The following HNMT variants were observed in gnomAD, a reference collection of about 807,000 sequenced individuals.
HNMT encodes the protein histamine N-methyltransferase.
A neutral mutation model predicts 32.1 loss-of-function variants in HNMT; 30 were observed. The ratio of observed to expected loss-of-function variants is 0.93; its 90% CI spans 0.70 to 1.27. The LOEUF is 1.27. Among genes scored for constraint, HNMT ranks in the 50% most tolerant of loss-of-function variants. HNMT has a pLI of 0.00. For missense variants in HNMT, 327 were observed against 346.0 expected (o/e 0.95, Z 0.43); for synonymous variants, 125 against 119.0 (o/e 1.05, Z -0.33).
intron 2 of HNMT, among the ~76,000 whole-genome samples, chr2:137,972,662 T>A (rs930788603): frequency 6.6e-6 from 1 of 152,178 alleles, no homozygotes; most frequent in African/African-American, 2.4e-5. Context: ...CTAAAGAATG[T>A]CTTATTAATT....
At position 138,005,237 on chromosome 2, in the gene HNMT, T is replaced by C; in HGVS notation, c.523+12T>C. The C allele has an allele frequency of 7.1e-7, 1 of 1,416,124 alleles. No homozygotes were observed. Among genetic ancestry groups the C allele is most frequent in the Non-Finnish European group, 1.0e-6 (1 of 1,001,080 alleles). 87.7% of individuals were successfully genotyped at this position (1,416,124 alleles called of 1,614,324 possible). On this transcript the variant is annotated intron_variant, in intron 5 of 5. Transcript: ENST00000280097. The stretch of plus-strand genomic sequence containing the variant: ...TATTGTTGTGTCAGGTAAGTTATTT[T>C]CATTCAGCCTGAATTTTAAAACAGC...
At chr2:137,979,117 G>T (rs998030521) in intron 2 of HNMT, among the ~76,000 whole-genome samples, 11 of 145,416 alleles carry the variant, frequency 7.6e-5, no homozygotes, top group African/African-American at 2.5e-4. Flanking sequence ...GTTATATATA[G>T]TACATAATAT....
At chr2:137,991,824 C>T (rs1680825380) in intron 2 of HNMT, 1 of 152,100 alleles carries the variant, frequency 6.6e-6, no homozygotes, top group African/African-American at 2.4e-5. Flanking sequence ...AGGGCGGGGC[C>T]AAGATGGCCG....
At chr2:137,977,677 T>C (rs1222737621) in intron 2 of HNMT, among the ~76,000 whole-genome samples, 1 of 152,086 alleles carries the variant, frequency 6.6e-6, no homozygotes, top group African/African-American at 2.4e-5. Flanking sequence ...CATATAATAC[T>C]GATGAGGTTA....
intron 5 of HNMT, among the ~76,000 whole-genome samples, chr2:138,006,842 A>G (rs1009801461): frequency 1.3e-5 from 2 of 151,616 alleles, no homozygotes; most frequent in Admixed American, 6.6e-5. Context: ...TGTGGCTCAT[A>G]AGTACCATCT....
intron 4 of HNMT, among the ~76,000 whole-genome samples, chr2:138,004,497 T>G: frequency 6.6e-6 from 1 of 152,050 alleles, no homozygotes; most frequent in Non-Finnish European, 1.5e-5. Context: ...TAAGTCCAAG[T>G]TCTGTGTTGG....
chr2:138,009,349 G>A (rs1681425197), intron 5 of HNMT, among the ~76,000 whole-genome samples: 1 of 151,974 alleles, frequency 6.6e-6, no homozygotes, highest in South Asian at 2.1e-4. Flanking sequence ...CAATTTCTTA[G>A]AGAGCTAAAA....
intron 5 of HNMT, among the ~76,000 whole-genome samples, chr2:138,005,646 G>T (rs937161583): frequency 1.3e-5 from 2 of 151,706 alleles, no homozygotes; most frequent in African/African-American, 2.4e-5. Context: ...ATTTTTAATT[G>T]ACTTGCATTC....
rs371086103 is a variant in HNMT at position 138,013,868 on chromosome 2, A to T, written c.617A>T (p.Gln206Leu). ...TATATCACATCAGATGACCTCACTC[A>T]GATGCTGGACAACCTAGGGCTTAAG... is the stretch of plus-strand genomic sequence containing the variant. The part of the protein sequence containing the change: ...CQYITSDDLT[Q>L]MLDNLGLKYE... Residue 206 changes from glutamine (Q) to leucine (L), a missense_variant, in exon 6 of 6, where the codon CAG (glutamine) becomes CTG (leucine). Transcript: ENST00000280097. The T allele has an allele frequency of 6.2e-7, 1 of 1,613,746 alleles. No individual in the cohort carries two copies. Among genetic ancestry groups the T allele is most frequent in the East Asian group, 2.2e-5 (1 of 44,862 alleles).
At chr2:137,986,163 A>G (rs1216980840) in intron 2 of HNMT, among the ~76,000 whole-genome samples, 1 of 151,622 alleles carries the variant, frequency 6.6e-6, no homozygotes. Context: ...AGTCACTTGC[A>G]TACAAAATAA....
chr2:138,007,792 G>A (rs1455499455), intron 5 of HNMT, among the ~76,000 whole-genome samples: 1 of 151,786 alleles, frequency 6.6e-6, no homozygotes, highest in Non-Finnish European at 1.5e-5. Context: ...GACAGATTTT[G>A]GGACCTGTGG....
At chr2:137,981,436 T>A in intron 2 of HNMT, 1 of 1,449,070 alleles carries the variant, frequency 6.9e-7, no homozygotes, top group Non-Finnish European at 9.6e-7. Flanking sequence ...GCCTACTAGA[T>A]CACACAGTTG....
intron 2 of HNMT, among the ~76,000 whole-genome samples, chr2:137,995,717 A>C (rs1027474803): frequency 1.3e-5 from 2 of 152,196 alleles, no homozygotes; most frequent in African/African-American, 2.4e-5. Context: ...CAACAAAAAA[A>C]AGGAAACTTC....
chr2:137,998,948 T>G (rs901887344), intron 2 of HNMT, among the ~76,000 whole-genome samples: 1 of 152,202 alleles, frequency 6.6e-6, no homozygotes, highest in Non-Finnish European at 1.5e-5. Flanking sequence ...TATTTCCCAT[T>G]AGCCCACAGC....
At chr2:137,979,319 G>T (rs553522454) in intron 2 of HNMT, among the ~76,000 whole-genome samples, 7 of 151,654 alleles carry the variant, frequency 4.6e-5, no homozygotes, top group African/African-American at 1.7e-4. Context: ...CGCCCAGGCT[G>T]GAGTGCAGTG....
intron 2 of HNMT, among the ~76,000 whole-genome samples, chr2:137,997,906 A>C (rs1681044048): frequency 6.6e-6 from 1 of 152,182 alleles, no homozygotes; most frequent in South Asian, 2.1e-4. Context: ...CATCCTCAGC[A>C]AACTAACAGG....
intron 2 of HNMT, among the ~76,000 whole-genome samples, chr2:137,979,132 A>G (rs1198478157): frequency 6.8e-6 from 1 of 146,876 alleles, no homozygotes; most frequent in African/African-American, 2.5e-5. Flanking sequence ...TAATATATAA[A>G]GTATAATTTA....
At position 137,997,362 on chromosome 2, in the gene HNMT, A is replaced by C. The variant is rs991299934; in HGVS notation, c.191-3556A>C. ...GCCACCCCATCAAAAACTGGACAAA[A>C]GATATGAACAGACACTTCTCAAAAG... On this transcript the variant is annotated intron_variant, in intron 2 of 5. Coordinates refer to ENST00000280097, the MANE Select transcript of HNMT (RefSeq NM_006895.3). 7.2e-5 allele frequency among the ~76,000 whole-genome samples: 11 copies of C among 152,186 alleles called. No individual in the cohort carries two copies. The East Asian group carries it at 1.9e-3, about 27-fold the overall frequency.
At chr2:137,992,713 C>T (rs1341856137) in intron 2 of HNMT, among the ~76,000 whole-genome samples, 2 of 152,154 alleles carry the variant, frequency 1.3e-5, no homozygotes, top group East Asian at 3.9e-4. Context: ...GTTCTGTTCC[C>T]CATGCCACCC....
Sources: allele counts gnomAD v4.1 joint callset (sites outside exome capture counted in the v4.1 genomes callset), GRCh38; gene constraint gnomAD v4.1.1; transcripts MANE v1.5; gene names NCBI Gene and HGNC (gene_info 2026-07-23, HGNC 2026-07-21).